The following KCNK2 variants were observed in gnomAD, a reference collection of about 807,000 sequenced individuals.
KCNK2 encodes potassium two pore domain channel subfamily K member 2.
A neutral mutation model predicts 40.5 loss-of-function variants in KCNK2; 21 were observed. The observed-to-expected ratio is 0.52, with a 90% CI of 0.37 to 0.75. KCNK2 has a LOEUF of 0.75. KCNK2 is among the 30% of genes least tolerant of loss of function. The pLI, the probability that KCNK2 is intolerant of heterozygous loss-of-function variation, is 0.00. For missense variants in KCNK2, 399 were observed against 531.6 expected (o/e 0.75, Z 2.45); for synonymous variants, 191 against 202.2 (o/e 0.94, Z 0.47).
At chr1:215,044,851 C>T (rs1214571253) in intron 1 of KCNK2, among the ~76,000 whole-genome samples, 2 of 147,544 alleles carry the variant, frequency 1.4e-5, no homozygotes, top group African/African-American at 5.0e-5. Flanking sequence ...GTGTTGATGA[C>T]GAGTTGGCAA....
intron 5 of KCNK2, among the ~76,000 whole-genome samples, chr1:215,182,733 A>G (rs1259575400): frequency 1.3e-5 from 2 of 152,296 alleles, no homozygotes; most frequent in Non-Finnish European, 2.9e-5. Flanking sequence ...GTGCGGGCAC[A>G]CTACTGGGTC....
chr1:215,196,652 C>T lies in KCNK2; in HGVS notation c.963+1560C>T, dbSNP rs140935891. On this transcript the variant is annotated intron_variant, in intron 6 of 6. Coordinates refer to ENST00000444842, the MANE Select transcript of KCNK2 (RefSeq NM_001017425.3). Reference sequence around the variant, plus strand: ...TAGGACCGCAATGGATTTGCCTTAACCTTAGGCTCATTGTATGTGGTGTGC... The same window carrying T: ...TAGGACCGCAATGGATTTGCCTTAATCTTAGGCTCATTGTATGTGGTGTGC... Among the ~76,000 whole-genome samples, 11 of 151,978 alleles carry T rather than the reference C, an allele frequency of 7.2e-5. No homozygotes were observed. In the East Asian group the frequency reaches 1.5e-3, roughly 21 times the overall value.
At chr1:215,203,047 CCTCT>C (rs1216821774) in intron 6 of KCNK2, among the ~76,000 whole-genome samples, 1 of 152,002 alleles carries the variant, frequency 6.6e-6, no homozygotes, top group Non-Finnish European at 1.5e-5. Context: ...CTCCTTCTTT[CCTCT>C]TTTCTCCTTA....
intron 6 of KCNK2, among the ~76,000 whole-genome samples, chr1:215,223,767 A>G (rs1174798568): frequency 6.6e-6 from 1 of 152,186 alleles, no homozygotes; most frequent in African/African-American, 2.4e-5. Context: ...TGGACTATTT[A>G]GAAAACTAGA....
intron 1 of KCNK2, among the ~76,000 whole-genome samples, chr1:215,034,420 G>A (rs1320754713): frequency 6.6e-6 from 1 of 150,440 alleles, no homozygotes; most frequent in African/African-American, 2.5e-5. Flanking sequence ...CTTATTTATT[G>A]ATTTCTCTTG....
At chr1:215,153,014 A>G (rs1408108501) in intron 3 of KCNK2, among the ~76,000 whole-genome samples, 1 of 152,220 alleles carries the variant, frequency 6.6e-6, no homozygotes, top group Non-Finnish European at 1.5e-5. Context: ...CTATTAGTCA[A>G]ATAGAACTCT....
At chr1:215,052,946 A>T (rs1380374075) in intron 1 of KCNK2, among the ~76,000 whole-genome samples, 1 of 152,084 alleles carries the variant, frequency 6.6e-6, no homozygotes, top group African/African-American at 2.4e-5. Context: ...TTCTATAAAC[A>T]GTAGTTATGT....
intron 5 of KCNK2, among the ~76,000 whole-genome samples, chr1:215,184,644 A>G (rs112175949): frequency 6.6e-5 from 10 of 152,304 alleles, no homozygotes; most frequent in African/African-American, 2.4e-4. Flanking sequence ...TGAGAACCTT[A>G]TAAAACCACC....
chr1:215,230,476 TATACACAC>T (rs1239270227), intron 6 of KCNK2, among the ~76,000 whole-genome samples: 1 of 125,868 alleles, frequency 7.9e-6, no homozygotes, highest in Non-Finnish European at 1.6e-5. Flanking sequence ...TAGATATATA[TATACACAC>T]ACACACACAC....
intron 1 of KCNK2, among the ~76,000 whole-genome samples, chr1:215,040,945 C>A (rs375690241): frequency 1.4e-3 from 215 of 152,218 alleles, no homozygotes; most frequent in African/African-American, 5.2e-3. Flanking sequence ...ACTAGCCAAG[C>A]AAAGAAGGTC....
intron 6 of KCNK2, among the ~76,000 whole-genome samples, chr1:215,200,040 C>T (rs1316292254): frequency 6.6e-6 from 1 of 152,170 alleles, no homozygotes; most frequent in East Asian, 1.9e-4. Context: ...TGGGTGGCAC[C>T]ACAGCTGGCC....
At chr1:215,221,009 C>A (rs1321252149) in intron 6 of KCNK2, among the ~76,000 whole-genome samples, 10 of 152,182 alleles carry the variant, frequency 6.6e-5, no homozygotes, top group Admixed American at 6.5e-4. Context: ...TTGAACAATG[C>A]AGGAGTGAGG....
At chr1:215,162,638 T>C (rs1663253940) in intron 3 of KCNK2, among the ~76,000 whole-genome samples, 1 of 152,204 alleles carries the variant, frequency 6.6e-6, no homozygotes, top group Non-Finnish European at 1.5e-5. Flanking sequence ...TTTCTGCATA[T>C]AGCTAGCCAG....
At chr1:215,056,308 C>A (rs77435464) in intron 1 of KCNK2, among the ~76,000 whole-genome samples, 19,852 of 121,462 alleles carry the variant, frequency 0.16, 1,797 homozygotes, top group Middle Eastern at 0.31. Flanking sequence ...AACTCCATCT[C>A]AAAAAAAAAA....
intron 1 of KCNK2, among the ~76,000 whole-genome samples, chr1:215,010,871 TGTGTGTGTG>T (rs1656357853): frequency 8.1e-6 from 1 of 123,224 alleles, no homozygotes; most frequent in African/African-American, 2.9e-5. Flanking sequence ...TTTTTTTTTG[TGTGTGTGTG>T]TGTGTGTGTG....
At chr1:215,137,038 A>G (rs1035103920) in intron 3 of KCNK2, among the ~76,000 whole-genome samples, 1 of 152,022 alleles carries the variant, frequency 6.6e-6, no homozygotes, top group Non-Finnish European at 1.5e-5. Flanking sequence ...ATTGAAGGGG[A>G]TTATGTTTCA....
chr1:215,084,182 GCACACACACACACACACA>G (rs71945726), intron 1 of KCNK2, among the ~76,000 whole-genome samples: 6 of 141,862 alleles, frequency 4.2e-5, no homozygotes. Flanking sequence ...TTAGGTTAAT[GCACACACACACACACACA>G]CACACACACA....
intron 3 of KCNK2, among the ~76,000 whole-genome samples, chr1:215,158,424 T>C (rs1462875227): frequency 6.6e-6 from 1 of 152,166 alleles, no homozygotes; most frequent in African/African-American, 2.4e-5. Context: ...GAGTCAGTGA[T>C]TGATGTAAAC....
chr1:215,102,365 A>G (rs1281104770), intron 2 of KCNK2, among the ~76,000 whole-genome samples: 1 of 152,046 alleles, frequency 6.6e-6, no homozygotes, highest in African/African-American at 2.4e-5. Flanking sequence ...ATAAAAATAA[A>G]AAAGCTTATA....
Sources: gnomAD v4.1 joint callset for allele counts (sites outside exome capture counted in the v4.1 genomes callset) on GRCh38, gnomAD v4.1.1 for gene constraint, MANE v1.5 for transcripts, NCBI Gene and HGNC (gene_info 2026-07-23, HGNC 2026-07-21) for gene names.